The following AADACL4 variants were observed in gnomAD, a reference collection of about 807,000 sequenced individuals.
AADACL4 encodes the protein arylacetamide deacetylase like 4.
Under a neutral mutation model 14.1 loss-of-function variants are expected in AADACL4, and 9 were observed. The observed-to-expected ratio is 0.64, with a 90% CI of 0.39 to 1.12. AADACL4 has a LOEUF of 1.12. Ranked by LOEUF, AADACL4 falls within the 50% of genes most tolerant of loss-of-function variation. The pLI, the probability that AADACL4 is intolerant of heterozygous loss-of-function variation, is 0.01. For missense variants in AADACL4, 531 were observed against 516.1 expected (o/e 1.03, Z -0.28); for synonymous variants, 188 against 201.6 (o/e 0.93, Z 0.57).
intron 1 of AADACL4, among the ~76,000 whole-genome samples, chr1:12,648,389 C>A (rs994223282): frequency 6.2e-5 from 8 of 129,038 alleles, no homozygotes; most frequent in Non-Finnish European, 1.3e-4. Context: ...TCCTTCCTTC[C>A]TTTCTTTCCT....
chr1:12,647,950 G>A (rs1371922732), intron 1 of AADACL4, among the ~76,000 whole-genome samples: 3 of 151,422 alleles, frequency 2.0e-5, no homozygotes, highest in Admixed American at 1.3e-4. Flanking sequence ...GAGCCACTGT[G>A]CCCAGCCACT....
chr1:12,661,889 G>T, intron 3 of AADACL4, 35 bp downstream of exon 3: 1 of 1,603,552 alleles, frequency 6.2e-7, no homozygotes, highest in Non-Finnish European at 8.5e-7. Context: ...GGTTCCACAG[G>T]GGTGAGAGGA....
At chr1:12,651,933 A>G (rs1213200735) in intron 2 of AADACL4, among the ~76,000 whole-genome samples, 1 of 146,768 alleles carries the variant, frequency 6.8e-6, no homozygotes, top group Non-Finnish European at 1.5e-5. Flanking sequence ...GGTTCACGCC[A>G]TTCTCCTGCC....
At position 12,652,880 on chromosome 1, in the gene AADACL4, A is replaced by G. The variant is rs1237491115; in HGVS notation, c.385+1541A>G. 2.0e-5 allele frequency among the ~76,000 whole-genome samples: 3 copies of G among 152,252 alleles called. No individual in the cohort carries two copies. In the East Asian group the frequency reaches 5.8e-4, roughly 29 times the overall value. ...GTCGGTCTTAGCCAGCTTGGTCCAC[A>G]CCCTGGCTTTTCAGGGTTTTATCAC... On this transcript the variant is annotated intron_variant, in intron 2 of 3. Coordinates refer to ENST00000376221, the MANE Select transcript of AADACL4 (RefSeq NM_001013630.2).
At position 12,666,025 on chromosome 1, in the gene AADACL4, C is replaced by G. The variant is rs142659885; in HGVS notation, c.514C>G (p.His172Asp). Reference sequence around the variant, plus strand: ...CCAAGACTGCATGAATGCCTCCATTCACTTCCTGAAGGCCCTGGAAACCTA... The same window carrying G: ...CCAAGACTGCATGAATGCCTCCATTGACTTCCTGAAGGCCCTGGAAACCTA... Reference protein sequence around the residue: ...LFQDCMNASIHFLKALETYGV... With the variant: ...LFQDCMNASIDFLKALETYGV... Residue 172 changes from histidine to aspartate, a missense_variant, in exon 4 of 4, where the codon CAC (histidine) becomes GAC (aspartate). Coordinates refer to ENST00000376221, the MANE Select transcript of AADACL4 (RefSeq NM_001013630.2). 4,919 of 1,614,202 alleles carry G rather than the reference C, an allele frequency of 3.0e-3. 22 individuals carry two copies. Among genetic ancestry groups the G allele is most frequent in the Middle Eastern group, 0.015 (88 of 6,062 alleles).
intron 3 of AADACL4, 79 bp downstream of exon 3, chr1:12,661,933 G>C (rs1647235365): frequency 6.8e-7 from 1 of 1,480,180 alleles, no homozygotes; most frequent in Non-Finnish European, 9.4e-7. Flanking sequence ...TTGTAGATCA[G>C]AGAGGCCCTA....
intron 1 of AADACL4, among the ~76,000 whole-genome samples, chr1:12,647,246 T>A (rs113731858): frequency 0.052 from 7,942 of 151,956 alleles, 272 homozygotes; most frequent in African/African-American, 0.094. Context: ...GGCGTGCACC[T>A]TCACATCACG....
Position 12,644,436 on chromosome 1 carries a change from G to T in AADACL4, c.-111G>T. On this transcript the variant is annotated 5_prime_UTR_variant, in exon 1 of 4. Transcript: ENST00000376221. ...GCCACTGTGTCAGGTGTCAGGCTTAGCCCAGAGAGAGTGAGGTGGAGGAGG... is the reference window on the plus strand; with the variant it reads ...GCCACTGTGTCAGGTGTCAGGCTTATCCCAGAGAGAGTGAGGTGGAGGAGG... 7.7e-7 allele frequency: 1 copy of T among 1,296,612 alleles called. No homozygotes were observed. Among genetic ancestry groups the T allele is most frequent in the Non-Finnish European group, 1.1e-6 (1 of 935,890 alleles). The allele number at this position is 1,296,612 out of a possible 1,614,324, so 80.3% of individuals were successfully genotyped here. A position where few individuals can be genotyped will look rare whatever the true frequency, so the allele number is the denominator to read the frequency against.
At chr1:12,661,899 A>G in intron 3 of AADACL4, 45 bp downstream of exon 3, 1 of 1,587,664 alleles carries the variant, frequency 6.3e-7, no homozygotes, top group Non-Finnish European at 8.6e-7. Context: ...GGGTGAGAGG[A>G]GATAGGGTAA....
At chr1:12,663,777 G>A (rs1047725237) in intron 3 of AADACL4, among the ~76,000 whole-genome samples, 2 of 152,134 alleles carry the variant, frequency 1.3e-5, no homozygotes, top group African/African-American at 4.8e-5. Context: ...GCTGAGGTTT[G>A]TACTCTCTGC....
At chr1:12,649,486 G>C (rs1431541772) in intron 1 of AADACL4, among the ~76,000 whole-genome samples, 1 of 152,176 alleles carries the variant, frequency 6.6e-6, no homozygotes, top group Non-Finnish European at 1.5e-5. Context: ...TTTCGGATGT[G>C]GGTCAGTTGA....
chr1:12,644,679 T>C lies in AADACL4; in HGVS notation c.133T>C (p.Phe45Leu). 1.2e-5 allele frequency: 20 copies of C among 1,614,130 alleles called. No individual in the cohort carries two copies. Among genetic ancestry groups the C allele is most frequent in the Non-Finnish European group, 1.7e-5 (20 of 1,179,978 alleles). The stretch of plus-strand genomic sequence containing the variant: ...CTTGCAGCATCCTGCCAAGTTGAGA[T>C]TCCTGCATTGCATATTCCTCTACCT... ...ATLQHPAKLR[F>L]LHCIFLYLVT... Residue 45 changes from phenylalanine (F) to leucine (L), a missense_variant, in exon 1 of 4, where the codon TTC becomes CTC. Transcript: ENST00000376221.
At chr1:12,647,053 G>T (rs1407245408) in intron 1 of AADACL4, among the ~76,000 whole-genome samples, 1 of 149,502 alleles carries the variant, frequency 6.7e-6, no homozygotes, top group Non-Finnish European at 1.5e-5. Flanking sequence ...GTGGACTCAT[G>T]TTTTTGTGCC....
intron 2 of AADACL4, among the ~76,000 whole-genome samples, chr1:12,658,299 C>T (rs1355273336): frequency 6.6e-6 from 1 of 151,434 alleles, no homozygotes; most frequent in Admixed American, 6.6e-5. Context: ...TACTCTGTCA[C>T]CCAGGCTGGA....
rs1031862395 is a variant in AADACL4 at position 12,663,807 on chromosome 1, C to T, written c.449+1953C>T. Among the ~76,000 whole-genome samples the T allele has an allele frequency of 2.0e-5, 3 of 152,274 alleles. No individual in the cohort carries two copies. The East Asian group carries it at 5.8e-4, about 29-fold the overall frequency. On this transcript the variant is annotated intron_variant, in intron 3 of 3. Transcript: ENST00000376221. ...CTCTGCTACCAGGTGAAGGGGCCAC[C>T]TCCCTGCAAGGACCCTCTAAGAAGC...
At chr1:12,649,379 C>T (rs901559116) in intron 1 of AADACL4, among the ~76,000 whole-genome samples, 12 of 152,164 alleles carry the variant, frequency 7.9e-5, no homozygotes, top group Admixed American at 2.6e-4. Flanking sequence ...GAGATTAGTG[C>T]TGGGGCCAGC....
At chr1:12,664,528 C>T (rs557635154) in intron 3 of AADACL4, among the ~76,000 whole-genome samples, 68 of 151,942 alleles carry the variant, frequency 4.5e-4, no homozygotes, top group African/African-American at 1.4e-3. Context: ...CACCACACCC[C>T]GCTAATTTTT....
intron 2 of AADACL4, among the ~76,000 whole-genome samples, chr1:12,657,462 A>C (rs930560403): frequency 1.3e-5 from 2 of 152,176 alleles, no homozygotes; most frequent in Non-Finnish European, 1.5e-5. Flanking sequence ...CCCAAATGCC[A>C]TTGGGACGTT....
At chr1:12,654,940 C>T (rs917153266) in intron 2 of AADACL4, among the ~76,000 whole-genome samples, 28 of 152,132 alleles carry the variant, frequency 1.8e-4, no homozygotes, top group Non-Finnish European at 7.3e-5. Context: ...ATACGAGTCT[C>T]GCTGGCTGGT....
Sources: allele counts gnomAD v4.1 joint callset (sites outside exome capture counted in the v4.1 genomes callset), GRCh38; gene constraint gnomAD v4.1.1; transcripts MANE v1.5; gene names NCBI Gene and HGNC (gene_info 2026-07-23, HGNC 2026-07-21).